MCPH1: variants seen among roughly 807,000 people sequenced by gnomAD.
MCPH1 encodes microcephalin.
MCPH1 carries 104 observed loss-of-function variants against 84.5 expected under a neutral mutation model. The observed-to-expected ratio is 1.23, with a 90% CI of 1.05 to 1.45. The LOEUF (loss-of-function observed/expected upper bound fraction) is 1.45. Among genes scored for constraint, MCPH1 ranks in the 40% most tolerant of loss-of-function variants. MCPH1 has a pLI of 0.00. For synonymous variants in MCPH1, 514 were observed against 366.8 expected (o/e 1.40, Z -4.58); for missense variants, 1,498 against 1,005.7 (o/e 1.49, Z -6.62).
chr8:6,469,225 C>T (rs534013584), intron 9 of MCPH1, among the ~76,000 whole-genome samples: 1 of 152,048 alleles, frequency 6.6e-6, no homozygotes, highest in African/African-American at 2.4e-5. Context: ...CAATTTTCTA[C>T]ACTGAACCCA....
intron 8 of MCPH1, among the ~76,000 whole-genome samples, chr8:6,450,817 A>C (rs565664846): frequency 1.3e-5 from 2 of 152,214 alleles, no homozygotes; most frequent in African/African-American, 2.4e-5. Flanking sequence ...ATCGCAGCTC[A>C]ATGCAGCCTC....
chr8:6,560,943 C>A lies in MCPH1; in HGVS notation c.2215-60511C>A, dbSNP rs576228820. Among the ~76,000 whole-genome samples the A allele has an allele frequency of 2.9e-4, 44 of 152,332 alleles. 1 individual carries two copies. Among genetic ancestry groups the A allele is most frequent in the African/African-American group, 1.0e-3 (43 of 41,564 alleles). ...GCTGTTTCTTCGAGGAGATGACCTG[C>A]CTGTCGGGCAGATTAGAATATTTAC... On this transcript the variant is annotated intron_variant, in intron 12 of 13. Coordinates refer to ENST00000344683, the MANE Select transcript of MCPH1 (RefSeq NM_024596.5).
At chr8:6,509,087 C>T in intron 12 of MCPH1, 1 of 1,609,992 alleles carries the variant, frequency 6.2e-7, no homozygotes, top group South Asian at 1.1e-5. Flanking sequence ...AGAAAAAAAA[C>T]ACATTGGCTA....
chr8:6,575,459 C>T (rs1425516087), intron 12 of MCPH1, among the ~76,000 whole-genome samples: 1 of 151,998 alleles, frequency 6.6e-6, no homozygotes, highest in African/African-American at 2.4e-5. Flanking sequence ...TAAAGAAGAC[C>T]CAGGGTGGTC....
At chr8:6,604,230 C>T (rs548796186) in intron 12 of MCPH1, among the ~76,000 whole-genome samples, 4 of 151,988 alleles carry the variant, frequency 2.6e-5, no homozygotes, top group African/African-American at 4.8e-5. Context: ...ATGGAGCCAT[C>T]CCAGACACAG....
intron 10 of MCPH1, 108 bp downstream of exon 10, chr8:6,477,739 T>A: frequency 1.2e-6 from 1 of 843,696 alleles, no homozygotes; most frequent in Non-Finnish European, 2.0e-6. Context: ...CTGTATCACT[T>A]TTACTTTATA....
chr8:6,419,070 C>A (rs1026900910), intron 3 of MCPH1, among the ~76,000 whole-genome samples: 2 of 151,594 alleles, frequency 1.3e-5, no homozygotes, highest in Non-Finnish European at 2.9e-5. Flanking sequence ...GTTGGGCCTG[C>A]TTAGCTATCT....
chr8:6,633,184 T>G (rs890728807), intron 13 of MCPH1, among the ~76,000 whole-genome samples: 1 of 150,342 alleles, frequency 6.7e-6, no homozygotes, highest in African/African-American at 2.5e-5. Context: ...TTCAACAGTG[T>G]TCTATGATTC....
At chr8:6,562,578 T>A in intron 12 of MCPH1, 2 of 880,188 alleles carry the variant, frequency 2.3e-6, no homozygotes, top group Non-Finnish European at 3.1e-6. Flanking sequence ...TTTTGGTTGT[T>A]AAAACCTGAG....
intron 9 of MCPH1, among the ~76,000 whole-genome samples, chr8:6,459,606 A>G (rs937392288): frequency 1.3e-5 from 2 of 152,228 alleles, no homozygotes; most frequent in African/African-American, 4.8e-5. Flanking sequence ...TAGAATGGAG[A>G]ACAGTAAGGT....
intron 13 of MCPH1, among the ~76,000 whole-genome samples, chr8:6,630,788 A>T (rs1306859587): frequency 7.6e-6 from 1 of 131,014 alleles, no homozygotes; most frequent in Non-Finnish European, 1.7e-5. Context: ...TCCTAAAAAA[A>T]AAAAACAAAA....
At chr8:6,477,396 T>C in intron 9 of MCPH1, 198 bp from the exon 10 acceptor site, 3 of 581,216 alleles carry the variant, frequency 5.2e-6, no homozygotes, top group African/African-American at 1.9e-5. Context: ...TTGGATTGCT[T>C]TGGGGACAGT....
rs377522481 is a variant in MCPH1, at chr8:6,623,688, C to CAAAAAAAAA, written c.2452+2019_2452+2027dup. 3.7e-4 allele frequency among the ~76,000 whole-genome samples: 34 copies of CAAAAAAAAA among 92,404 alleles called. 2 individuals are homozygous for CAAAAAAAAA. The highest frequency in any genetic ancestry group is 6.0e-4 in the African/African-American group (13 of 21,786). 60.6% of individuals were successfully genotyped at this position (92,404 alleles called of 152,430 possible). On this transcript the variant is annotated intron_variant, in intron 13 of 13. Coordinates refer to ENST00000344683, the MANE Select transcript of MCPH1 (RefSeq NM_024596.5). ...CATCTTTTGCCTGGAAACCAACTTC[C>CAAAAAAAAA]AAAAAAAAAAAAAAAAAAAAAAAAA...
intron 12 of MCPH1, among the ~76,000 whole-genome samples, chr8:6,547,042 C>T (rs561145004): frequency 5.9e-5 from 9 of 152,176 alleles, no homozygotes; most frequent in African/African-American, 1.7e-4. Flanking sequence ...GCAACATGCA[C>T]GTGTTCCGTG....
At chr8:6,510,256 G>A (rs901555826) in intron 12 of MCPH1, among the ~76,000 whole-genome samples, 15 of 151,702 alleles carry the variant, frequency 9.9e-5, no homozygotes, top group African/African-American at 3.4e-4. Flanking sequence ...AGGCATTCAC[G>A]TAATGGGGTA....
intron 13 of MCPH1, among the ~76,000 whole-genome samples, chr8:6,639,934 T>C (rs4840522): frequency 0.1 from 15,696 of 152,156 alleles, 1,622 homozygotes; most frequent in East Asian, 0.41. Context: ...AAACAAGATG[T>C]CACTATGTTG....
Position 6,621,578 on chromosome 8 carries a change from A to C in MCPH1, c.2339A>C (p.His780Pro), listed in dbSNP as rs1256161687. ...PPVAKLCELV[H>P]LCGGRVSQVP... ...GTGGCCAAGCTCTGTGAACTAGTCCACCTGTGCGGAGGCCGGGTCAGCCAA... is the reference window on the plus strand; with the variant it reads ...GTGGCCAAGCTCTGTGAACTAGTCCCCCTGTGCGGAGGCCGGGTCAGCCAA... Residue 780 changes from histidine to proline, a missense_variant, in exon 13 of 14, where the codon CAC becomes CCC. Transcript: ENST00000344683. 8 of 1,613,844 alleles carry C rather than the reference A, an allele frequency of 5.0e-6. No homozygotes were observed. Among genetic ancestry groups the C allele is most frequent in the Non-Finnish European group, 5.9e-6 (7 of 1,179,988 alleles).
chr8:6,483,374 T>G (rs1044862833), intron 11 of MCPH1, among the ~76,000 whole-genome samples: 1 of 152,146 alleles, frequency 6.6e-6, no homozygotes, highest in African/African-American at 2.4e-5. Context: ...CAAAACAATT[T>G]AGAAAGGAAA....
intron 12 of MCPH1, among the ~76,000 whole-genome samples, chr8:6,594,389 G>A (rs553105270): frequency 3.9e-5 from 6 of 152,328 alleles, no homozygotes; most frequent in Admixed American, 2.0e-4. Flanking sequence ...GTGCAGCCCA[G>A]GGTAGGACAC....
Sources: gnomAD v4.1 joint callset for allele counts (sites outside exome capture counted in the v4.1 genomes callset) on GRCh38, gnomAD v4.1.1 for gene constraint, MANE v1.5 for transcripts, NCBI Gene and HGNC (gene_info 2026-07-23, HGNC 2026-07-21) for gene names.